The following ZNF431 variants were observed in gnomAD, a reference collection of about 807,000 sequenced individuals.
The protein encoded by ZNF431 is zinc finger protein 431.
In ZNF431, 34 loss-of-function variants were observed where a neutral mutation model predicts 57.0. The observed-to-expected ratio is 0.60, with a 90% CI of 0.45 to 0.79. The LOEUF is 0.79. Ranked by LOEUF, ZNF431 falls within the 30% of genes least tolerant of loss-of-function variation. The pLI is 0.00. For synonymous variants in ZNF431, 207 were observed against 220.3 expected (o/e 0.94, Z 0.54); for missense variants, 607 against 667.1 (o/e 0.91, Z 0.99).
intron 4 of ZNF431, among the ~76,000 whole-genome samples, chr19:21,177,190 CTTGAG>C (rs202216926): frequency 0.012 from 1,796 of 152,176 alleles, 28 homozygotes; most frequent in South Asian, 0.048. Context: ...TTTAATTCAT[CTTGAG>C]TTAATTTTTT....
intron 4 of ZNF431, among the ~76,000 whole-genome samples, 166 bp downstream of exon 4, chr19:21,167,832 C>A (rs920245123): frequency 6.6e-6 from 1 of 152,198 alleles, no homozygotes; most frequent in South Asian, 2.1e-4. Flanking sequence ...ATAGGGACAT[C>A]TTCTGTCTTA....
At chr19:21,167,292 T>C (rs1455879526) in intron 3 of ZNF431, among the ~76,000 whole-genome samples, 1 of 151,842 alleles carries the variant, frequency 6.6e-6, no homozygotes, top group African/African-American at 2.4e-5. Context: ...CTGGAGTTGC[T>C]GGGACTACAG....
At chr19:21,165,459 A>T (rs1970695997) in intron 2 of ZNF431, among the ~76,000 whole-genome samples, 1 of 152,230 alleles carries the variant, frequency 6.6e-6, no homozygotes, top group Non-Finnish European at 1.5e-5. Context: ...TAATGGTTAA[A>T]TTCAGTCTAT....
intron 2 of ZNF431, among the ~76,000 whole-genome samples, chr19:21,147,347 G>T (rs1473120876): frequency 6.6e-6 from 1 of 152,016 alleles, no homozygotes; most frequent in Non-Finnish European, 1.5e-5. Context: ...AAAATAGCTG[G>T]ATGTGCTGGT....
At chr19:21,161,758 A>G (rs1970573274) in intron 2 of ZNF431, among the ~76,000 whole-genome samples, 1 of 151,972 alleles carries the variant, frequency 6.6e-6, no homozygotes, top group Admixed American at 6.5e-5. Flanking sequence ...GGTTCAAGTG[A>G]TTCTCCTGCC....
intron 2 of ZNF431, among the ~76,000 whole-genome samples, chr19:21,154,701 T>G (rs1396325584): frequency 6.6e-6 from 1 of 152,146 alleles, no homozygotes; most frequent in Non-Finnish European, 1.5e-5. Flanking sequence ...GACTTTTTAA[T>G]GATCGCCATT....
At position 21,183,928 on chromosome 19, in the gene ZNF431, G is replaced by C; in HGVS notation, c.1625G>C (p.Cys542Ser). Residue 542 changes from cysteine to serine, a missense_variant, in exon 5 of 5, where the codon TGT becomes TCT. Coordinates refer to ENST00000311048, the MANE Select transcript of ZNF431 (RefSeq NM_133473.4). ...CATACTAGACAGAAACCCTACAACT[G>C]TGAAGAATGTGACAATACATTTAAC... The part of the protein sequence containing the change: ...KIHTRQKPYN[C>S]EECDNTFNQS... 6.2e-7 allele frequency: 1 copy of C among 1,613,162 alleles called. No individual in the cohort carries two copies. Among genetic ancestry groups the C allele is most frequent in the Non-Finnish European group, 8.5e-7 (1 of 1,179,580 alleles).
chr19:21,179,703 G>C (rs1971160648), intron 4 of ZNF431, among the ~76,000 whole-genome samples: 1 of 151,824 alleles, frequency 6.6e-6, no homozygotes, highest in Non-Finnish European at 1.5e-5. Context: ...GGGACTACAG[G>C]TGCCGGCCAC....
chr19:21,163,219 A>G (rs1970624622), intron 2 of ZNF431, among the ~76,000 whole-genome samples: 1 of 151,992 alleles, frequency 6.6e-6, no homozygotes, highest in Non-Finnish European at 1.5e-5. Context: ...TGTTTTTCAA[A>G]TGCAGAATTA....
intron 3 of ZNF431, 41 bp from the exon 4 acceptor site, chr19:21,167,530 A>C: frequency 7.0e-7 from 1 of 1,424,354 alleles, no homozygotes; most frequent in Non-Finnish European, 9.4e-7. Flanking sequence ...GTAATTAGAG[A>C]ATATAGGCAA....
At chr19:21,175,183 T>C (rs577819973) in intron 4 of ZNF431, among the ~76,000 whole-genome samples, 1 of 152,222 alleles carries the variant, frequency 6.6e-6, no homozygotes, top group African/African-American at 2.4e-5. Context: ...CTTGAGTAAC[T>C]GGGTTGCAAA....
At chr19:21,162,022 G>A (rs969443085) in intron 2 of ZNF431, among the ~76,000 whole-genome samples, 2 of 151,852 alleles carry the variant, frequency 1.3e-5, no homozygotes, top group African/African-American at 4.8e-5. Flanking sequence ...TGTTTCCCAG[G>A]CTGGAGTGTA....
chr19:21,144,264 T>G (rs1970023145), intron 2 of ZNF431, among the ~76,000 whole-genome samples: 1 of 151,982 alleles, frequency 6.6e-6, no homozygotes, highest in African/African-American at 2.4e-5. Context: ...GAAGGATTGA[T>G]CTTGGCTCAC....
chr19:21,178,561 A>G (rs1008923233), intron 4 of ZNF431, among the ~76,000 whole-genome samples: 2 of 152,132 alleles, frequency 1.3e-5, no homozygotes, highest in Non-Finnish European at 1.5e-5. Context: ...TGAGATAATC[A>G]TGTAGTTTTT....
Position 21,169,895 on chromosome 19 carries a change from G to A in ZNF431, c.319+2229G>A, listed in dbSNP as rs564237895. ...AGTAAAAACCAAGGTCTGTAAACCTGTCTGCATGGCTGCAAATAGGTGTCT... is the reference window on the plus strand; with the variant it reads ...AGTAAAAACCAAGGTCTGTAAACCTATCTGCATGGCTGCAAATAGGTGTCT... On this transcript the variant is annotated intron_variant, in intron 4 of 4. Coordinates refer to ENST00000311048, the MANE Select transcript of ZNF431 (RefSeq NM_133473.4). 180 of 398,612 alleles carry A rather than the reference G, an allele frequency of 4.5e-4. 2 individuals are homozygous for A. The highest frequency in any genetic ancestry group is 3.6e-3 in the African/African-American group (175 of 48,742). The allele number at this position is 398,612 out of a possible 1,614,324, so 24.7% of individuals were successfully genotyped here. A position where few individuals can be genotyped will look rare whatever the true frequency, so the allele number is the denominator to read the frequency against.
rs190422511 is a variant in ZNF431 at position 21,178,871 on chromosome 19, G to A, written c.320-3752G>A. ...ATCTCTGCCAGGTCTTGATATCAGGGTGATGCTGGCCTCATAGAATGAGTT... is the reference window on the plus strand; with the variant it reads ...ATCTCTGCCAGGTCTTGATATCAGGATGATGCTGGCCTCATAGAATGAGTT... On this transcript the variant is annotated intron_variant, in intron 4 of 4. Coordinates refer to ENST00000311048, the MANE Select transcript of ZNF431 (RefSeq NM_133473.4). 2.1e-3 allele frequency among the ~76,000 whole-genome samples: 321 copies of A among 152,016 alleles called. 2 individuals are homozygous for A. The highest frequency in any genetic ancestry group is 7.2e-3 in the African/African-American group (298 of 41,470).
chr19:21,185,916 C>T lies in ZNF431; in HGVS notation c.*1882C>T, dbSNP rs1304708068. On this transcript the variant is annotated 3_prime_UTR_variant, in exon 5 of 5. Coordinates refer to ENST00000311048, the MANE Select transcript of ZNF431 (RefSeq NM_133473.4). The stretch of plus-strand genomic sequence containing the variant: ...TGTACAATTAAATTTTTATTTACCA[C>T]AGTGTTATTTTTATCGTCATAATAA... 2.0e-5 allele frequency: 3 copies of T among 152,118 alleles called. No individual in the cohort carries two copies. The highest frequency in any genetic ancestry group is 7.2e-5 in the African/African-American group (3 of 41,412). 9.4% of individuals were successfully genotyped at this position (152,118 alleles called of 1,614,324 possible). A position where few individuals can be genotyped will look rare whatever the true frequency, so the allele number is the denominator to read the frequency against.
intron 2 of ZNF431, among the ~76,000 whole-genome samples, chr19:21,150,861 C>T (rs1182570297): frequency 6.6e-6 from 1 of 152,098 alleles, no homozygotes; most frequent in African/African-American, 2.4e-5. Flanking sequence ...CATCAGATAA[C>T]GCATTGCAAA....
chr19:21,155,162 T>A (rs994606227), intron 2 of ZNF431, among the ~76,000 whole-genome samples: 64 of 152,322 alleles, frequency 4.2e-4, no homozygotes, highest in African/African-American at 1.5e-3. Flanking sequence ...AGGTCTAACA[T>A]TTAAGTCTTT....
Sources: gnomAD v4.1 joint callset for allele counts (sites outside exome capture counted in the v4.1 genomes callset) on GRCh38, gnomAD v4.1.1 for gene constraint, MANE v1.5 for transcripts, NCBI Gene and HGNC (gene_info 2026-07-23, HGNC 2026-07-21) for gene names.